RBMS2: variants seen among roughly 807,000 people sequenced by gnomAD.
RBMS2 encodes the protein RNA-binding motif, single-stranded-interacting protein 2.
In RBMS2, 38 loss-of-function variants were observed where a neutral mutation model predicts 58.4. That is an observed-to-expected ratio of 0.65 (90% CI 0.50 to 0.85). The LOEUF is 0.85. RBMS2 is among the 40% of genes least tolerant of loss of function. RBMS2 has a pLI of 0.00. For synonymous variants in RBMS2, 151 were observed against 180.7 expected (o/e 0.84, Z 1.32); for missense variants, 367 against 503.7 (o/e 0.73, Z 2.60).
At chr12:56,572,827 C>T in intron 5 of RBMS2, 1 of 984,772 alleles carries the variant, frequency 1.0e-6, no homozygotes, top group African/African-American at 1.7e-5. Context: ...CAATTCTGCA[C>T]CTGTGATATC....
rs1259680651 is a variant in RBMS2, at chr12:56,581,434, G to T, written c.658G>T (p.Gly220Cys). 6.2e-7 allele frequency: 1 copy of T among 1,614,196 alleles called. No homozygotes were observed. Among genetic ancestry groups the T allele is most frequent in the South Asian group, 1.1e-5 (1 of 91,082 alleles). Residue 220 changes from glycine to cysteine, a missense_variant, in exon 7 of 14, where the codon GGC (glycine) becomes TGC (cysteine). Coordinates refer to ENST00000262031, the MANE Select transcript of RBMS2 (RefSeq NM_002898.4). ...SDPLLCKFAD[G>C]GPKKRQNQGK... ...TCCCTTGCTTTGCAAATTTGCTGATGGCGGGCCAAAGAAACGACAGAACCA... is the reference window on the plus strand; with the variant it reads ...TCCCTTGCTTTGCAAATTTGCTGATTGCGGGCCAAAGAAACGACAGAACCA...
intron 5 of RBMS2, chr12:56,572,752 C>T (rs1189404837): frequency 1.0e-6 from 1 of 983,444 alleles, no homozygotes; most frequent in Non-Finnish European, 1.2e-6. Context: ...GCTTTGAGAG[C>T]AGTAGGATGA....
chr12:56,573,751 CT>C (rs35292811), intron 5 of RBMS2, among the ~76,000 whole-genome samples: 5,537 of 139,804 alleles, frequency 0.04, 200 homozygotes, highest in African/African-American at 0.11. Flanking sequence ...ATGGTCCACA[CT>C]TTTTTTTTTT....
chr12:56,572,227 T>C (rs1882414713), intron 5 of RBMS2, among the ~76,000 whole-genome samples: 2 of 147,046 alleles, frequency 1.4e-5, no homozygotes, highest in African/African-American at 5.1e-5. Context: ...AGGCAGAGGT[T>C]GCAGTGAGCT....
intron 1 of RBMS2, among the ~76,000 whole-genome samples, chr12:56,558,240 G>T (rs1879645271): frequency 9.2e-6 from 1 of 108,428 alleles, no homozygotes; most frequent in Non-Finnish European, 2.0e-5. Context: ...TAGAGACGGG[G>T]TTTTGCCATG....
intron 1 of RBMS2, among the ~76,000 whole-genome samples, chr12:56,537,165 C>G (rs1875061841): frequency 6.6e-6 from 1 of 152,156 alleles, no homozygotes; most frequent in Non-Finnish European, 1.5e-5. Flanking sequence ...AAGCAGTCCA[C>G]TCACCTCAGC....
intron 5 of RBMS2, among the ~76,000 whole-genome samples, chr12:56,574,912 G>T (rs1882874220): frequency 6.6e-6 from 1 of 152,170 alleles, no homozygotes; most frequent in East Asian, 1.9e-4. Context: ...ACTTTGGGAG[G>T]CCGAGGCGGG....
chr12:56,543,874 G>T (rs115390239), intron 1 of RBMS2, among the ~76,000 whole-genome samples: 2,015 of 150,814 alleles, frequency 0.013, 52 homozygotes, highest in African/African-American at 0.047. Flanking sequence ...CACTATGTTG[G>T]CTAGACTGGT....
At position 56,595,202 on chromosome 12, in the gene RBMS2, G is replaced by A. The variant is rs958351740; in HGVS notation, c.*6069G>A. On this transcript the variant is annotated 3_prime_UTR_variant, in exon 14 of 14. Transcript: ENST00000262031. The stretch of plus-strand genomic sequence containing the variant: ...GTGAAGGTAACCAAACACCAAAGAG[G>A]GAGTCTGTCATTTTTATAAGGCTGG... 6.6e-6 allele frequency: 1 copy of A among 152,132 alleles called. No individual in the cohort carries two copies. The highest frequency in any genetic ancestry group is 2.4e-5 in the African/African-American group (1 of 41,406). The allele number at this position is 152,132 out of a possible 1,614,324, so 9.4% of individuals were successfully genotyped here.
intron 1 of RBMS2, among the ~76,000 whole-genome samples, chr12:56,542,962 A>G (rs1385700354): frequency 6.6e-6 from 1 of 151,608 alleles, no homozygotes; most frequent in African/African-American, 2.4e-5. Flanking sequence ...CTGGGGTGCA[A>G]TGATACAATC....
At chr12:56,563,562 T>C (rs949467562) in intron 2 of RBMS2, among the ~76,000 whole-genome samples, 8 of 152,138 alleles carry the variant, frequency 5.3e-5, no homozygotes, top group African/African-American at 1.9e-4. Context: ...CAATTAGGAA[T>C]GTTGGAAAAA....
At chr12:56,577,585 A>G (rs1012451480) in intron 5 of RBMS2, among the ~76,000 whole-genome samples, 5 of 151,444 alleles carry the variant, frequency 3.3e-5, no homozygotes, top group Non-Finnish European at 7.4e-5. Context: ...AGTGATCCTT[A>G]CACCTCCGCT....
At position 56,581,446 on chromosome 12, in the gene RBMS2, A is replaced by C. The variant is rs750508627; in HGVS notation, c.670A>C (p.Lys224Gln). 1 of 1,614,122 alleles carries C rather than the reference A, an allele frequency of 6.2e-7. No homozygotes were observed. Among genetic ancestry groups the C allele is most frequent in the African/African-American group, 1.3e-5 (1 of 74,938 alleles). ...CAAATTTGCTGATGGCGGGCCAAAG[A>C]AACGACAGAACCAAGGAAAATTTGT... ...LCKFADGGPK[K>Q]RQNQGKFVQN... The change falls in exon 7 of 14, where the codon AAA becomes CAA. Residue 224 changes from lysine (K) to glutamine (Q), a missense_variant. Transcript: ENST00000262031.
At chr12:56,581,362 T>A in intron 6 of RBMS2, 37 bp from the exon 7 acceptor site, 1 of 1,604,166 alleles carries the variant, frequency 6.2e-7, no homozygotes, top group Non-Finnish European at 8.5e-7. Context: ...CCACATGAGG[T>A]GGGACTCAGC....
rs1218795541 is a variant in RBMS2 at position 56,592,693 on chromosome 12, T to G, written c.*3560T>G. On this transcript the variant is annotated 3_prime_UTR_variant, in exon 14 of 14. Transcript: ENST00000262031. ...GCCCGGCTAATTTTTTTATTTTTAGTAGAGATGGGGTTTCACCATGTTGGC... is the reference window on the plus strand; with the variant it reads ...GCCCGGCTAATTTTTTTATTTTTAGGAGAGATGGGGTTTCACCATGTTGGC... 1 of 152,118 alleles carries G rather than the reference T, an allele frequency of 6.6e-6. No homozygotes were observed. The highest frequency in any genetic ancestry group is 1.9e-4 in the East Asian group (1 of 5,180). The allele number at this position is 152,118 out of a possible 1,614,324, so 9.4% of individuals were successfully genotyped here.
At chr12:56,542,194 G>A (rs559499253) in intron 1 of RBMS2, among the ~76,000 whole-genome samples, 2 of 151,732 alleles carry the variant, frequency 1.3e-5, no homozygotes, top group African/African-American at 4.8e-5. Context: ...ACTACTTACG[G>A]GCACATGCCA....
intron 1 of RBMS2, among the ~76,000 whole-genome samples, chr12:56,552,361 C>T (rs563772552): frequency 1.3e-5 from 2 of 152,252 alleles, no homozygotes; most frequent in Admixed American, 1.3e-4. Context: ...ATTGATTATT[C>T]AAATTCAAAG....
chr12:56,595,381 A>G lies in RBMS2; in HGVS notation c.*6248A>G, dbSNP rs1885666989. 3 of 152,252 alleles carry G rather than the reference A, an allele frequency of 2.0e-5. No individual in the cohort carries two copies. In the South Asian group the frequency reaches 6.2e-4, roughly 32 times the overall value. 9.4% of individuals were successfully genotyped at this position (152,252 alleles called of 1,614,324 possible). A position where few individuals can be genotyped will look rare whatever the true frequency, so the allele number is the denominator to read the frequency against. On this transcript the variant is annotated 3_prime_UTR_variant, in exon 14 of 14. Transcript: ENST00000262031. ...TGGGTAAACACCTCTTTGCATGTGG[A>G]CAGAAAATGTTTATACTTAAACAGA...
chr12:56,566,988 A>G lies in RBMS2; in HGVS notation c.234-1987A>G, dbSNP rs755115272. On this transcript the variant is annotated intron_variant, in intron 2 of 13. Transcript: ENST00000262031. The stretch of plus-strand genomic sequence containing the variant: ...AAGAATGTTGGAATAAGATTGCTAC[A>G]TTAGATAAAAACTGGTTTATGTCCT... 3.3e-5 allele frequency among the ~76,000 whole-genome samples: 5 copies of G among 152,244 alleles called. No individual in the cohort carries two copies. The South Asian group carries it at 6.2e-4, about 19-fold the overall frequency.
Sources: gnomAD v4.1 joint callset for allele counts (sites outside exome capture counted in the v4.1 genomes callset) on GRCh38, gnomAD v4.1.1 for gene constraint, MANE v1.5 for transcripts, NCBI Gene and HGNC (gene_info 2026-07-23, HGNC 2026-07-21) for gene names.